Variants in ALDH6A1 observed in about 807,000 individuals in gnomAD.
ALDH6A1 encodes methylmalonate-semialdehyde/malonate-semialdehyde dehydrogenase [acylating], mitochondrial.
ALDH6A1 carries 43 observed loss-of-function variants against 62.6 expected under a neutral mutation model. The observed-to-expected ratio is 0.69, with a 90% confidence interval of 0.54 to 0.89. ALDH6A1 has a LOEUF of 0.89. Ranked by LOEUF, ALDH6A1 falls within the 40% of genes least tolerant of loss-of-function variation. The probability of loss-of-function intolerance (pLI) is 0.00; values close to 1 mark genes in which losing one functional copy is unlikely to be tolerated. For synonymous variants in ALDH6A1, 194 were observed against 234.2 expected, an observed-to-expected ratio of 0.83 and a Z score of 1.57; for missense variants, 551 against 661.3, an observed-to-expected ratio of 0.83 and a Z score of 1.83.
intron 4 of ALDH6A1, 22 bp downstream of exon 4, chr14:74,072,181 G>A: frequency 1.9e-6 from 3 of 1,614,148 alleles, no homozygotes; most frequent in Non-Finnish European, 2.5e-6. Flanking sequence ...GTTTGGAAAA[G>A]CATACCATTT....
intron 5 of ALDH6A1, 168 bp downstream of exon 5, chr14:74,071,728 A>G (rs1221796410): frequency 2.8e-6 from 4 of 1,453,470 alleles, no homozygotes; most frequent in Non-Finnish European, 3.8e-6. Context: ...GAGTAAAGTA[A>G]ATCAGTCTTA....
At chr14:74,065,971 TTGA>T (rs1476159443) in intron 9 of ALDH6A1, 1 of 156,394 alleles carries the variant, frequency 6.4e-6, no homozygotes, top group African/African-American at 2.4e-5. Context: ...CATTCAACAC[TTGA>T]TGATTCACTA....
At chr14:74,079,053 T>C (rs964745759) in intron 1 of ALDH6A1, among the ~76,000 whole-genome samples, 1 of 151,814 alleles carries the variant, frequency 6.6e-6, no homozygotes, top group Non-Finnish European at 1.5e-5. Flanking sequence ...TTTTATCAAC[T>C]CTCATGGCTT....
chr14:74,074,409 G>A (rs534172057), intron 2 of ALDH6A1, among the ~76,000 whole-genome samples: 7 of 151,104 alleles, frequency 4.6e-5, no homozygotes, highest in South Asian at 2.1e-4. Flanking sequence ...GCCTCAGCCC[G>A]CAGAGTAGCT....
chr14:74,084,300 G>C, intron 1 of ALDH6A1, 47 bp downstream of exon 1: 4 of 1,613,152 alleles, frequency 2.5e-6, no homozygotes, highest in Non-Finnish European at 3.4e-6. Flanking sequence ...CGGACGGAAA[G>C]GATCCAATTC....
intron 1 of ALDH6A1, chr14:74,078,338 G>C (rs1321151233): frequency 2.3e-6 from 1 of 440,726 alleles, no homozygotes; most frequent in African/African-American, 2.0e-5. Flanking sequence ...CAATATATGT[G>C]GACTGGATGA....
At chr14:74,061,221 G>A (rs1481755705) in intron 11 of ALDH6A1, among the ~76,000 whole-genome samples, 2 of 152,040 alleles carry the variant, frequency 1.3e-5, no homozygotes, top group African/African-American at 2.4e-5. Flanking sequence ...CAAGTGATCC[G>A]CCTTCCTCGG....
At chr14:74,061,633 C>G (rs7161258) in intron 11 of ALDH6A1, among the ~76,000 whole-genome samples, 1 of 152,150 alleles carries the variant, frequency 6.6e-6, no homozygotes, top group Non-Finnish European at 1.5e-5. Context: ...GCGGCCATTT[C>G]TGATAATTAT....
intron 6 of ALDH6A1, among the ~76,000 whole-genome samples, chr14:74,070,139 C>A (rs78889821): frequency 6.6e-6 from 1 of 152,110 alleles, no homozygotes; most frequent in Non-Finnish European, 1.5e-5. Context: ...CTGCACCCAG[C>A]CTTAATCTAA....
In ALDH6A1 at chr14:74,072,517, C is replaced by T. The variant is rs1566833976; in HGVS notation, c.186+20G>A. On this transcript the variant is annotated intron_variant, in intron 3 of 11. Coordinates refer to ENST00000553458, the MANE Select transcript of ALDH6A1 (RefSeq NM_005589.4). ...GAATTCTAGGCTCATAAGTTGAAGT[C>T]CCAAAGCAGCTTCGCTTACTGGGTT... 1 of 1,614,134 alleles carries T rather than the reference C, an allele frequency of 6.2e-7. No homozygotes were observed. Among genetic ancestry groups the T allele is most frequent in the Non-Finnish European group, 8.5e-7 (1 of 1,180,024 alleles).
chr14:74,062,157 A>G (rs903476433), intron 11 of ALDH6A1, among the ~76,000 whole-genome samples: 6 of 151,478 alleles, frequency 4.0e-5, no homozygotes, highest in Non-Finnish European at 8.8e-5. Context: ...AGAATGCACC[A>G]TTGCACTCCA....
In ALDH6A1 at chr14:74,064,828, G is replaced by T; in HGVS notation, c.1497C>A (p.Gly499=). Residue 499 remains glycine (G), a synonymous_variant, in exon 11 of 12, where the codon GGC becomes GGA. Transcript: ENST00000553458. The part of the protein sequence containing the change: ...SSFRGDTNFY[G]KQGIQFYTQL... ...AATTTAACTCAAAAGTTACCTGTTT[G>T]CCATAGAAATTGGTGTCTCCCCTGA... 6.2e-7 allele frequency: 1 copy of T among 1,613,880 alleles called. No homozygotes were observed.
Position 74,060,627 on chromosome 14 carries a change from TAAAC to T in ALDH6A1, c.*11_*14del, listed in dbSNP as rs552713614. 128 of 1,570,690 alleles carry T rather than the reference TAAAC, an allele frequency of 8.1e-5. No individual in the cohort carries two copies. In the East Asian group the frequency reaches 2.0e-3, roughly 25 times the overall value. On this transcript the variant is annotated 3_prime_UTR_variant, in exon 12 of 12. Transcript: ENST00000553458. ...AGATTACTCAGGATGGAGTCAGTCT[TAAAC>T]AAACTTGTTTCTAACGGCCCATGGT...
At chr14:74,068,601 G>C (rs576467281) in intron 7 of ALDH6A1, among the ~76,000 whole-genome samples, 1 of 151,984 alleles carries the variant, frequency 6.6e-6, no homozygotes, top group East Asian at 1.9e-4. Flanking sequence ...AAATTAGCCG[G>C]GCGCTGTGGC....
intron 1 of ALDH6A1, among the ~76,000 whole-genome samples, chr14:74,080,033 A>G (rs115151443): frequency 0.013 from 2,028 of 151,864 alleles, 45 homozygotes; most frequent in African/African-American, 0.045. Flanking sequence ...GCGAGACCCT[A>G]TCTTAAAAAA....
At chr14:74,081,759 A>G (rs1172545514) in intron 1 of ALDH6A1, among the ~76,000 whole-genome samples, 1 of 152,196 alleles carries the variant, frequency 6.6e-6, no homozygotes, top group African/African-American at 2.4e-5. Context: ...TTGCAGTACA[A>G]TAAAGGAGCT....
chr14:74,065,994 G>T, intron 9 of ALDH6A1: 1 of 155,266 alleles, frequency 6.4e-6, no homozygotes, highest in Non-Finnish European at 1.4e-5. Flanking sequence ...ATTATAGTAA[G>T]GATATATGAA....
At chr14:74,069,418 G>A (rs2060518480) in intron 6 of ALDH6A1, among the ~76,000 whole-genome samples, 1 of 151,698 alleles carries the variant, frequency 6.6e-6, no homozygotes, top group Non-Finnish European at 1.5e-5. Context: ...TTTCTGTACT[G>A]GATTCTCATT....
intron 8 of ALDH6A1, 140 bp from the exon 9 acceptor site, chr14:74,067,026 G>A: frequency 1.2e-6 from 1 of 828,608 alleles, no homozygotes. Context: ...GACCAGCCTG[G>A]GCAACAAAGT....
Sources: allele counts gnomAD v4.1 joint callset (sites outside exome capture counted in the v4.1 genomes callset), GRCh38; gene constraint gnomAD v4.1.1; transcripts MANE v1.5; gene names NCBI Gene and HGNC (gene_info 2026-07-23, HGNC 2026-07-21).